CD34: variants seen among roughly 807,000 people sequenced by gnomAD.
The protein encoded by CD34 is CD34 molecule.
Under a neutral mutation model 40.1 loss-of-function variants are expected in CD34, and 34 were observed. That is an observed-to-expected ratio of 0.85 (90% CI 0.65 to 1.13). The LOEUF is 1.13. CD34 is among the 50% of genes most tolerant of loss of function. The pLI is 0.00. For synonymous variants in CD34, 209 were observed against 190.0 expected, an observed-to-expected ratio of 1.10 and a Z score of -0.82; for missense variants, 426 against 466.9, an observed-to-expected ratio of 0.91 and a Z score of 0.81.
chr1:207,888,942 T>C (rs191764475), intron 6 of CD34, 96 bp from the exon 7 acceptor site: 41 of 1,250,548 alleles, frequency 3.3e-5, no homozygotes, highest in Admixed American at 1.2e-4. Context: ...AGTGAACAGA[T>C]GCTTGAGGGC....
At chr1:207,899,703 A>G in intron 2 of CD34, 118 bp downstream of exon 2, 1 of 892,246 alleles carries the variant, frequency 1.1e-6, no homozygotes, top group Non-Finnish European at 1.7e-6. Context: ...CAAGTCATTA[A>G]TACTAGGGAC....
At chr1:207,896,520 C>T (rs924419701) in intron 4 of CD34, among the ~76,000 whole-genome samples, 1 of 152,076 alleles carries the variant, frequency 6.6e-6, no homozygotes, top group African/African-American at 2.4e-5. Flanking sequence ...ACTGGCCAAA[C>T]CCAAAATAAT....
intron 1 of CD34, among the ~76,000 whole-genome samples, chr1:207,907,156 C>A (rs568789353): frequency 6.6e-6 from 1 of 152,108 alleles, no homozygotes; most frequent in Admixed American, 6.5e-5. Flanking sequence ...GGGCATGGAA[C>A]GAGATTACAG....
intron 4 of CD34, among the ~76,000 whole-genome samples, chr1:207,891,537 A>G (rs1468043256): frequency 1.3e-5 from 2 of 151,348 alleles, no homozygotes; most frequent in African/African-American, 2.4e-5. Context: ...TAGAAATTCA[A>G]CCGGGTGTGG....
intron 7 of CD34, 135 bp downstream of exon 7, chr1:207,888,547 C>T: frequency 2.3e-6 from 2 of 858,900 alleles, no homozygotes; most frequent in Admixed American, 4.4e-5. Context: ...ACTGTGTGTG[C>T]ACACATGCAT....
Position 207,898,996 on chromosome 1 carries a change from A to C in CD34, c.493T>G (p.Ser165Ala). ...TSPTKPYTSS[S>A]PILSDIKAEI... ...ACCTTGATGTCACTTAGGATAGGAGAAGATGATGTATAGGGTTTAGTGGGA... is the reference window on the plus strand; with the variant it reads ...ACCTTGATGTCACTTAGGATAGGAGCAGATGATGTATAGGGTTTAGTGGGA... The change falls in exon 3 of 8, where the codon TCT becomes GCT. Residue 165 changes from serine to alanine, a missense_variant. Physicochemically the swap from Ser to Ala is moderately conservative, Grantham distance 99. Coordinates refer to ENST00000310833, the MANE Select transcript of CD34 (RefSeq NM_001025109.2). The C allele has an allele frequency of 6.2e-7, 1 of 1,614,120 alleles. No individual in the cohort carries two copies.
chr1:207,907,424 C>T (rs921955272), intron 1 of CD34, among the ~76,000 whole-genome samples: 3 of 152,152 alleles, frequency 2.0e-5, no homozygotes, highest in Non-Finnish European at 2.9e-5. Context: ...CAGCCTCCTG[C>T]CTACCTTTGC....
At chr1:207,902,346 T>C (rs1662287934) in intron 1 of CD34, among the ~76,000 whole-genome samples, 2 of 152,174 alleles carry the variant, frequency 1.3e-5, no homozygotes, top group Non-Finnish European at 2.9e-5. Flanking sequence ...AAAATCGGAA[T>C]TTATTCCCCA....
In CD34 at chr1:207,886,664, C is replaced by T. The variant is rs7572; in HGVS notation, c.*1074G>A. 37,526 of 152,654 alleles carry T rather than the reference C, an allele frequency of 0.25. 4,870 individuals are homozygous for T. The highest frequency in any genetic ancestry group is 0.5 in the East Asian group (2,572 of 5,172). The allele number at this position is 152,654 out of a possible 1,614,324, so 9.5% of individuals were successfully genotyped here. A position where few individuals can be genotyped will look rare whatever the true frequency, so the allele number is the denominator to read the frequency against. ...ACCGTCATTGAAACCAGGATCCCTG[C>T]TCAACCCCTCTGGAAAGAAATCAAC... On this transcript the variant is annotated 3_prime_UTR_variant, in exon 8 of 8. Coordinates refer to ENST00000310833, the MANE Select transcript of CD34 (RefSeq NM_001025109.2).
At position 207,886,608 on chromosome 1, in the gene CD34, A is replaced by G. The variant is rs1337946236; in HGVS notation, c.*1130T>C. The G allele has an allele frequency of 6.6e-6, 1 of 152,594 alleles. No individual in the cohort carries two copies. The highest frequency in any genetic ancestry group is 1.5e-5 in the Non-Finnish European group (1 of 68,038). 9.5% of individuals were successfully genotyped at this position (152,594 alleles called of 1,614,324 possible). ...TGTATTCAGAAAAAATATCTACCCA[A>G]TACTCTCTTCTCTGGAAATTTCTAT... On this transcript the variant is annotated 3_prime_UTR_variant, in exon 8 of 8. Transcript: ENST00000310833.
At chr1:207,888,040 TGGGA>T in intron 7 of CD34, 117 bp from the exon 8 acceptor site, 1 of 761,390 alleles carries the variant, frequency 1.3e-6, no homozygotes, top group East Asian at 5.3e-5. Flanking sequence ...GAGGGGGAGG[TGGGA>T]GGAAGGATCG....
intron 1 of CD34, among the ~76,000 whole-genome samples, chr1:207,906,920 A>G (rs1033573708): frequency 2.6e-5 from 4 of 152,090 alleles, no homozygotes; most frequent in African/African-American, 9.7e-5. Context: ...AACCCTAATT[A>G]TTTTGAAGAT....
intron 7 of CD34, 70 bp downstream of exon 7, chr1:207,888,612 T>G: frequency 9.6e-6 from 14 of 1,461,076 alleles, no homozygotes; most frequent in South Asian, 1.2e-5. Context: ...TCCTGCTCCA[T>G]GACATCCACT....
chr1:207,897,139 G>C (rs1662166916), intron 4 of CD34, among the ~76,000 whole-genome samples: 2 of 152,034 alleles, frequency 1.3e-5, no homozygotes, highest in South Asian at 4.1e-4. Context: ...TGGTGAGTGA[G>C]AAGGACTTTC....
At chr1:207,889,061 T>A (rs1199006750) in intron 6 of CD34, 100 bp downstream of exon 6, 24 of 912,242 alleles carry the variant, frequency 2.6e-5, no homozygotes, top group Non-Finnish European at 4.2e-5. Context: ...CAGAGAAGGA[T>A]GGTAGGTAGA....
intron 1 of CD34, among the ~76,000 whole-genome samples, chr1:207,902,814 C>T (rs1662299923): frequency 6.6e-6 from 1 of 152,164 alleles, no homozygotes; most frequent in Non-Finnish European, 1.5e-5. Context: ...GGTGCCTGTT[C>T]CAGAAGAGCA....
At chr1:207,898,931 G>T in intron 3 of CD34, 42 bp downstream of exon 3, 1 of 1,607,348 alleles carries the variant, frequency 6.2e-7, no homozygotes, top group East Asian at 2.2e-5. Context: ...GCATACATAT[G>T]AAGTGAGGGG....
chr1:207,906,957 T>G (rs1033398093), intron 1 of CD34, among the ~76,000 whole-genome samples: 1 of 152,206 alleles, frequency 6.6e-6, no homozygotes, highest in Non-Finnish European at 1.5e-5. Context: ...TTTCTCCCTG[T>G]CACCTCTTCC....
Position 207,910,999 on chromosome 1 carries a change from C to CA in CD34, c.79+2dup, listed in dbSNP as rs770798860. ...GCGGCCGCGGCGCGCGGGCGGTACT[C>CA]ACGCAGCAAACTCAGCAAGCAAAGC... On this transcript the variant is annotated splice_region_variant and intron_variant, in intron 1 of 7. Transcript: ENST00000310833. 2 of 1,583,208 alleles carry CA rather than the reference C, an allele frequency of 1.3e-6. No individual in the cohort carries two copies. Among genetic ancestry groups the CA allele is most frequent in the East Asian group, 2.3e-5 (1 of 43,878 alleles).
Sources: allele counts gnomAD v4.1 joint callset (sites outside exome capture counted in the v4.1 genomes callset), GRCh38; gene constraint gnomAD v4.1.1; transcripts MANE v1.5; gene names NCBI Gene and HGNC (gene_info 2026-07-23, HGNC 2026-07-21).